The following CHD5 variants were observed in gnomAD, a reference collection of about 807,000 sequenced individuals.
The protein encoded by CHD5 is ATP-dependent chromatin remodeler CHD5.
In CHD5, 69 loss-of-function variants were observed where a neutral mutation model predicts 230.3. That is an observed-to-expected ratio of 0.30 (90% CI 0.25 to 0.37). The LOEUF is 0.37. Ranked by LOEUF, CHD5 falls within the 10% of genes least tolerant of loss-of-function variation. CHD5 has a pLI of 1.00. For missense variants in CHD5, 1,827 were observed against 2,622.8 expected (o/e 0.70, Z 6.63); for synonymous variants, 1,064 against 1,065.9 (o/e 1.00, Z 0.03).
intron 30 of CHD5, 71 bp from the exon 31 acceptor site, chr1:6,124,178 C>A: frequency 7.3e-7 from 1 of 1,374,540 alleles, no homozygotes; most frequent in Non-Finnish European, 1.0e-6. Flanking sequence ...CTAAGGGCCT[C>A]AGGGCAGCCA....
At chr1:6,169,739 C>A (rs1238848528) in intron 1 of CHD5, among the ~76,000 whole-genome samples, 3 of 152,184 alleles carry the variant, frequency 2.0e-5, no homozygotes, top group South Asian at 2.1e-4. Flanking sequence ...TCTAGAAGGG[C>A]CCACGAGAGA....
At chr1:6,166,778 C>T (rs544342587) in intron 2 of CHD5, among the ~76,000 whole-genome samples, 2 of 152,144 alleles carry the variant, frequency 1.3e-5, no homozygotes, top group African/African-American at 4.8e-5. Context: ...CCCACCACCA[C>T]CATCTCTCCC....
chr1:6,121,047 C>T lies in CHD5; in HGVS notation c.4912+58G>A. The T allele has an allele frequency of 1.3e-6, 2 of 1,505,804 alleles. No individual in the cohort carries two copies. The highest frequency in any genetic ancestry group is 1.8e-6 in the Non-Finnish European group (2 of 1,130,650). 93.3% of individuals were successfully genotyped at this position (1,505,804 alleles called of 1,614,324 possible). ...TACAGCCACCTGCCCTTCTCTGAAC[C>T]CAGGCCTGCTGAGGCCAGACATGGC... is the stretch of plus-strand genomic sequence containing the variant. On this transcript the variant is annotated intron_variant, in intron 33 of 41. Transcript: ENST00000262450. The surrounding 1 kb of genome is among the most constrained non-coding windows in gnomAD (Gnocchi z 4.5).
In CHD5 at chr1:6,128,718, T is replaced by TG; in HGVS notation, c.3620-110dup. On this transcript the variant is annotated intron_variant, in intron 23 of 41. Transcript: ENST00000262450. This position sits in a 1 kb window ranked among gnomAD's most constrained non-coding sequence, Gnocchi z 7.8. Reference sequence around the variant, plus strand: ...GGCTGTCCTAGCCAGGAGATACAGGTGGGGGGTGCAGAAGAGAGGCTGTGT... The same window carrying TG: ...GGCTGTCCTAGCCAGGAGATACAGGTGGGGGGGTGCAGAAGAGAGGCTGTGT... 1.6e-6 allele frequency: 2 copies of TG among 1,265,126 alleles called. No homozygotes were observed. Among genetic ancestry groups the TG allele is most frequent in the African/African-American group, 1.5e-5 (1 of 67,640 alleles). 78.4% of individuals were successfully genotyped at this position (1,265,126 alleles called of 1,614,324 possible).
intron 25 of CHD5, among the ~76,000 whole-genome samples, chr1:6,127,574 G>A (rs537172263): frequency 3.3e-5 from 5 of 152,316 alleles, no homozygotes; most frequent in South Asian, 2.1e-4. Flanking sequence ...AGGAAGGGGC[G>A]GGAGGGTGCA....
At chr1:6,112,362 A>G in intron 34 of CHD5, 85 bp from the exon 35 acceptor site, 1 of 1,533,624 alleles carries the variant, frequency 6.5e-7, no homozygotes, top group Non-Finnish European at 8.9e-7. Flanking sequence ...CGGGGGACCC[A>G]GGAGGCAAGT....
At chr1:6,163,939 T>C (rs1342332818) in intron 2 of CHD5, among the ~76,000 whole-genome samples, 1 of 152,232 alleles carries the variant, frequency 6.6e-6, no homozygotes, top group Non-Finnish European at 1.5e-5. Flanking sequence ...TCTTAGTGGA[T>C]GTGGAGTCCC....
intron 11 of CHD5, among the ~76,000 whole-genome samples, chr1:6,144,591 A>T (rs575821977): frequency 1.3e-5 from 2 of 152,394 alleles, no homozygotes; most frequent in East Asian, 3.9e-4. Flanking sequence ...GTGAGGAGTC[A>T]TCTCTGCAAA....
At chr1:6,172,412 A>T (rs1201198941) in intron 1 of CHD5, among the ~76,000 whole-genome samples, 1 of 151,742 alleles carries the variant, frequency 6.6e-6, no homozygotes, top group East Asian at 1.9e-4. Context: ...GCAGGCCTCG[A>T]CCTCCTGGGC....
Position 6,109,765 on chromosome 1 carries a change from G to A in CHD5, c.5578+30C>T, listed in dbSNP as rs767299688. 3.2e-6 allele frequency: 5 copies of A among 1,586,984 alleles called. No individual in the cohort carries two copies. In the Admixed American group the frequency reaches 5.1e-5, roughly 16 times the overall value. On this transcript the variant is annotated intron_variant, in intron 38 of 41. Transcript: ENST00000262450. Reference sequence around the variant, plus strand: ...CGCTGGGCAGGAGGAAGGGCGGGGGGCTGCACCGTGGGGGGCAGGACTTGC... The same window carrying A: ...CGCTGGGCAGGAGGAAGGGCGGGGGACTGCACCGTGGGGGGCAGGACTTGC...
rs375041214 is a variant in CHD5 at position 6,167,867 on chromosome 1, C to T, written c.207+283G>A. On this transcript the variant is annotated intron_variant, in intron 2 of 41. Coordinates refer to ENST00000262450, the MANE Select transcript of CHD5 (RefSeq NM_015557.3). This position sits in a 1 kb window ranked among gnomAD's most constrained non-coding sequence, Gnocchi z 4.5. ...GGGAGGTAGGGAGGCACCGTGGCGACGGAATCCAGCCCTGTCCCTCGCACA... is the reference window on the plus strand; with the variant it reads ...GGGAGGTAGGGAGGCACCGTGGCGATGGAATCCAGCCCTGTCCCTCGCACA... Among the ~76,000 whole-genome samples, 76 of 152,270 alleles carry T rather than the reference C, an allele frequency of 5.0e-4. No homozygotes were observed. Among genetic ancestry groups the T allele is most frequent in the African/African-American group, 1.7e-3 (69 of 41,548 alleles).
At position 6,126,775 on chromosome 1, in the gene CHD5, G is replaced by A. The variant is rs376458213; in HGVS notation, c.3904-29C>T. The A allele has an allele frequency of 1.2e-6, 2 of 1,603,350 alleles. No homozygotes were observed. The highest frequency in any genetic ancestry group is 1.7e-6 in the Non-Finnish European group (2 of 1,172,820). ...GGGACGCAGCACCACGGGTTCCATG[G>A]GTGGAGCCATCTCTGCCCTCCCGGA... is the stretch of plus-strand genomic sequence containing the variant. On this transcript the variant is annotated intron_variant, in intron 25 of 41. Coordinates refer to ENST00000262450, the MANE Select transcript of CHD5 (RefSeq NM_015557.3). This position sits in a 1 kb window ranked among gnomAD's most constrained non-coding sequence, Gnocchi z 5.7.
In CHD5 at chr1:6,129,145, C is replaced by G. The variant is rs926300740; in HGVS notation, c.3388-76G>C. On this transcript the variant is annotated intron_variant, in intron 22 of 41. Coordinates refer to ENST00000262450, the MANE Select transcript of CHD5 (RefSeq NM_015557.3). The surrounding 1 kb of genome is among the most constrained non-coding windows in gnomAD (Gnocchi z 6.8). ...ATGGAGGAGATCACACCCATGAGCTCAAGAGCATGGAATGGGCTGCATGAC... is the reference window on the plus strand; with the variant it reads ...ATGGAGGAGATCACACCCATGAGCTGAAGAGCATGGAATGGGCTGCATGAC... The G allele has an allele frequency of 2.0e-6, 2 of 1,003,226 alleles. No individual in the cohort carries two copies. The highest frequency in any genetic ancestry group is 1.5e-6 in the Non-Finnish European group (1 of 661,066). The allele number at this position is 1,003,226 out of a possible 1,614,324, so 62.1% of individuals were successfully genotyped here.
chr1:6,161,246 A>G (rs372054513), intron 2 of CHD5, among the ~76,000 whole-genome samples: 1 of 152,102 alleles, frequency 6.6e-6, no homozygotes, highest in Non-Finnish European at 1.5e-5. Context: ...TTCAGGCCAC[A>G]CTGTCAAGAG....
In CHD5 at chr1:6,160,277, C is replaced by T. The variant is rs79119392; in HGVS notation, c.208-762G>A. Among the ~76,000 whole-genome samples the T allele has an allele frequency of 9.5e-4, 78 of 82,216 alleles. 1 individual carries two copies. Among genetic ancestry groups the T allele is most frequent in the Middle Eastern group, 7.4e-3 (1 of 136 alleles). The allele number at this position is 82,216 out of a possible 152,430, so 53.9% of individuals were successfully genotyped here. The stretch of plus-strand genomic sequence containing the variant: ...GGAGAGCCCCAGCCAGGGAAGGGCC[C>T]CAGCCAGAGAAGAAGAACCCCAGCC... On this transcript the variant is annotated intron_variant, in intron 2 of 41. Coordinates refer to ENST00000262450, the MANE Select transcript of CHD5 (RefSeq NM_015557.3).
At chr1:6,176,124 G>A (rs1184456440) in intron 1 of CHD5, among the ~76,000 whole-genome samples, 3 of 152,172 alleles carry the variant, frequency 2.0e-5, no homozygotes, top group Non-Finnish European at 2.9e-5. Context: ...TGGGCAAAGT[G>A]TGCTGGTCAT....
At position 6,165,696 on chromosome 1, in the gene CHD5, C is replaced by T. The variant is rs544325689; in HGVS notation, c.207+2454G>A. 4.6e-5 allele frequency among the ~76,000 whole-genome samples: 7 copies of T among 152,120 alleles called. No individual in the cohort carries two copies. The East Asian group carries it at 9.7e-4, about 21-fold the overall frequency. ...TCTACCCCATGCCCAGCACAAAGAC[C>T]GACCTCTGGGGCCAGGGGACAGCGG... On this transcript the variant is annotated intron_variant, in intron 2 of 41. Coordinates refer to ENST00000262450, the MANE Select transcript of CHD5 (RefSeq NM_015557.3).
At chr1:6,110,352 C>T (rs1280102538) in intron 37 of CHD5, 42 bp downstream of exon 37, 5 of 1,574,438 alleles carry the variant, frequency 3.2e-6, no homozygotes, top group Admixed American at 3.6e-5. Flanking sequence ...CTGACACCGT[C>T]CCTCCCTGCC....
At position 6,176,406 on chromosome 1, in the gene CHD5, G is replaced by A. The variant is rs116275980; in HGVS notation, c.79+3539C>T. On this transcript the variant is annotated intron_variant, in intron 1 of 41. Coordinates refer to ENST00000262450, the MANE Select transcript of CHD5 (RefSeq NM_015557.3). Reference sequence around the variant, plus strand: ...GGGCTCACTAGCTTTGTCTGTGATTGAGGAAAAGCTGGGCCAATGAGGCAG... The same window carrying A: ...GGGCTCACTAGCTTTGTCTGTGATTAAGGAAAAGCTGGGCCAATGAGGCAG... 6.9e-3 allele frequency among the ~76,000 whole-genome samples: 1,050 copies of A among 152,324 alleles called. 12 individuals are homozygous for A. Among genetic ancestry groups the A allele is most frequent in the African/African-American group, 0.023 (957 of 41,562 alleles).
Sources: gnomAD v4.1 joint callset for allele counts (sites outside exome capture counted in the v4.1 genomes callset) on GRCh38, gnomAD v4.1.1 for gene constraint, Gnocchi (gnomAD v3.1) non-coding constraint, MANE v1.5 for transcripts, NCBI Gene and HGNC (gene_info 2026-07-23, HGNC 2026-07-21) for gene names.